API5: variants seen among roughly 807,000 people sequenced by gnomAD.
API5 encodes apoptosis inhibitor 5, also known as FIF.
A neutral mutation model predicts 71.9 loss-of-function variants in API5; 6 were observed. That is an observed-to-expected ratio of 0.08 (90% CI 0.05 to 0.16). The LOEUF is 0.16. Among genes scored for constraint, API5 ranks in the 10% least tolerant of loss-of-function variants. The pLI, the probability that API5 is intolerant of heterozygous loss-of-function variation, is 1.00. For synonymous variants in API5, 189 were observed against 221.3 expected (o/e 0.85, Z 1.30); for missense variants, 332 against 612.8 (o/e 0.54, Z 4.84).
intron 6 of API5, among the ~76,000 whole-genome samples, chr11:43,324,486 G>A (rs945444999): frequency 6.6e-5 from 10 of 151,988 alleles, no homozygotes; most frequent in African/African-American, 9.7e-5. Flanking sequence ...GTGGTGGCCC[G>A]TCCCTGTAAT....
In API5 at chr11:43,318,198, G is replaced by C. The variant is rs188147383; in HGVS notation, c.70-442G>C. ...CTAATTTTTGTGTTTTAGTAGAGAC[G>C]GGGTTTAACCATGTTGGCCAAGCTA... On this transcript the variant is annotated intron_variant, in intron 1 of 13. Coordinates refer to ENST00000531273, the MANE Select transcript of API5 (RefSeq NM_001142930.2). 3.6e-4 allele frequency among the ~76,000 whole-genome samples: 55 copies of C among 151,366 alleles called. 1 individual carries two copies. Among genetic ancestry groups the C allele is most frequent in the Admixed American group, 2.8e-3 (43 of 15,226 alleles).
Position 43,335,846 on chromosome 11 carries a change from C to T in API5, c.1356-12C>T, listed in dbSNP as rs1855414483. 3 of 1,591,802 alleles carry T rather than the reference C, an allele frequency of 1.9e-6. No individual in the cohort carries two copies. Among genetic ancestry groups the T allele is most frequent in the East Asian group, 2.2e-5 (1 of 44,682 alleles). On this transcript the variant is annotated splice_polypyrimidine_tract_variant and intron_variant, in intron 12 of 13. Transcript: ENST00000531273. ...GAATGTTTTTGAATTGCTCTTCTTC[C>T]TATTGTTACAGGCAAAAGAGAGCCA...
chr11:43,316,257 CTATTGTGA>C (rs1048737398), intron 1 of API5, among the ~76,000 whole-genome samples: 2 of 152,172 alleles, frequency 1.3e-5, no homozygotes, highest in Non-Finnish European at 2.9e-5. Flanking sequence ...GTAGTAACAC[CTATTGTGA>C]TATAGACAAG....
intron 1 of API5, among the ~76,000 whole-genome samples, chr11:43,318,042 C>T (rs1854735406): frequency 6.6e-6 from 1 of 151,442 alleles, no homozygotes; most frequent in South Asian, 2.1e-4. Context: ...CAGAGTCTCA[C>T]TCTGTCATCC....
rs1288651835 is a variant in API5, at chr11:43,322,149, C to T, written c.543+13C>T. On this transcript the variant is annotated intron_variant, in intron 5 of 13. Coordinates refer to ENST00000531273, the MANE Select transcript of API5 (RefSeq NM_001142930.2). ...TGAATCCAAAAAGGTGAGCTTTGGTCTTCATTTGGTGGAAATTCTCTAAAG... is the reference window on the plus strand; with the variant it reads ...TGAATCCAAAAAGGTGAGCTTTGGTTTTCATTTGGTGGAAATTCTCTAAAG... 1 of 1,581,752 alleles carries T rather than the reference C, an allele frequency of 6.3e-7. No individual in the cohort carries two copies. The highest frequency in any genetic ancestry group is 1.2e-5 in the South Asian group (1 of 86,280).
intron 13 of API5, among the ~76,000 whole-genome samples, chr11:43,337,251 C>T (rs978291224): frequency 1.4e-4 from 21 of 151,966 alleles, no homozygotes; most frequent in African/African-American, 5.1e-4. Flanking sequence ...TGCTGAAGCC[C>T]AGGAGGCCAA....
chr11:43,338,309 A>G (rs1218278608), intron 13 of API5, among the ~76,000 whole-genome samples: 3 of 152,140 alleles, frequency 2.0e-5, no homozygotes, highest in African/African-American at 7.2e-5. Flanking sequence ...TTTTTGCTTT[A>G]CAAACATGGT....
At position 43,317,268 on chromosome 11, in the gene API5, C is replaced by T. The variant is rs142910763; in HGVS notation, c.70-1372C>T. 6.2e-3 allele frequency among the ~76,000 whole-genome samples: 940 copies of T among 152,150 alleles called. 13 individuals are homozygous for T. The highest frequency in any genetic ancestry group is 0.021 in the African/African-American group (887 of 41,498). ...TTTCTGTATTTGTTACTGTTATTTACCATCTTTATCAGTGTCATTTCATAA... is the reference window on the plus strand; with the variant it reads ...TTTCTGTATTTGTTACTGTTATTTATCATCTTTATCAGTGTCATTTCATAA... On this transcript the variant is annotated intron_variant, in intron 1 of 13. Coordinates refer to ENST00000531273, the MANE Select transcript of API5 (RefSeq NM_001142930.2).
rs547205552 is a variant in API5 at position 43,333,535 on chromosome 11, TGATTACATTAATACAGATA to T, written c.1279-1720_1279-1702del. ...ACATAGATATATGACTGGCTACTATTGATTACATTAATACAGATAGATTACATTAATACAGATAGATATA... is the reference window on the plus strand; with the variant it reads ...ACATAGATATATGACTGGCTACTATTGATTACATTAATACAGATAGATATA... On this transcript the variant is annotated intron_variant, in intron 11 of 13. Transcript: ENST00000531273. 2.2e-4 allele frequency among the ~76,000 whole-genome samples: 33 copies of T among 152,288 alleles called. 1 individual carries two copies. In the East Asian group the frequency reaches 5.0e-3, roughly 23 times the overall value.
rs1213851619 is a variant in API5, at chr11:43,328,755, A to G, written c.989A>G (p.Asn330Ser). 12 of 1,613,946 alleles carry G rather than the reference A, an allele frequency of 7.4e-6. No homozygotes were observed. Among genetic ancestry groups the G allele is most frequent in the Non-Finnish European group, 1.0e-5 (12 of 1,179,868 alleles). Residue 330 changes from asparagine to serine, a missense_variant, in exon 9 of 14, where the codon AAT becomes AGT. Physicochemically the swap from Asn to Ser is conservative, Grantham distance 46. This residue lies in a region of API5 where 168 missense variants were observed against 343.9 expected (regional missense o/e 0.49). Coordinates refer to ENST00000531273, the MANE Select transcript of API5 (RefSeq NM_001142930.2). ...CCAGAAGAGGCAGAAAATGGAGAGA[A>G]TGCTGGTAATGAAGAACCCAAGCTA... is the stretch of plus-strand genomic sequence containing the variant. The part of the protein sequence containing the change: ...LPPEEAENGE[N>S]AGNEEPKLQF...
At chr11:43,331,502 A>T (rs181353375) in intron 11 of API5, 5 of 231,764 alleles carry the variant, frequency 2.2e-5, no homozygotes, top group African/African-American at 1.1e-4. Context: ...TATTATAAAG[A>T]AGAGAAAATA....
chr11:43,313,086 G>A (rs1227437502), intron 1 of API5, among the ~76,000 whole-genome samples: 3 of 139,386 alleles, frequency 2.2e-5, no homozygotes, highest in African/African-American at 7.9e-5. Context: ...CAGCCTGGGA[G>A]ACAAAGCAAG....
At chr11:43,321,252 C>G (rs555656669) in intron 3 of API5, among the ~76,000 whole-genome samples, 159 bp from the exon 4 acceptor site, 2 of 152,254 alleles carry the variant, frequency 1.3e-5, no homozygotes, top group East Asian at 3.9e-4. Context: ...TCTCAACTTA[C>G]AAGGAACACG....
intron 1 of API5, among the ~76,000 whole-genome samples, chr11:43,313,360 A>G (rs1044467633): frequency 1.4e-4 from 21 of 152,216 alleles, no homozygotes; most frequent in African/African-American, 5.1e-4. Context: ...GTGGTTGGGT[A>G]TGTGTGTTCT....
Position 43,312,172 on chromosome 11 carries a change from C to G in API5, c.45C>G (p.Ala15=), listed in dbSNP as rs776407360. The G allele has an allele frequency of 1.9e-6, 3 of 1,613,960 alleles. No individual in the cohort carries two copies. Among genetic ancestry groups the G allele is most frequent in the South Asian group, 1.1e-5 (1 of 91,080 alleles). The change falls in exon 1 of 14, where the codon GCC becomes GCG. Residue 15 remains alanine, a synonymous_variant. Coordinates refer to ENST00000531273, the MANE Select transcript of API5 (RefSeq NM_001142930.2). The part of the protein sequence containing the change: ...EELYRNYGIL[A]DATEQVGQHK... ...TTTACCGCAATTATGGCATCCTGGCCGATGCCACGGAGCAAGTGGGCCAGG... is the reference window on the plus strand; with the variant it reads ...TTTACCGCAATTATGGCATCCTGGCGGATGCCACGGAGCAAGTGGGCCAGG...
At chr11:43,321,237 C>G (rs940665374) in intron 3 of API5, among the ~76,000 whole-genome samples, 174 bp from the exon 4 acceptor site, 7 of 152,140 alleles carry the variant, frequency 4.6e-5, no homozygotes, top group African/African-American at 1.7e-4. Context: ...CATGCCAGAT[C>G]GGGTTCTCAA....
At position 43,322,145 on chromosome 11, in the gene API5, T is replaced by C; in HGVS notation, c.543+9T>C. On this transcript the variant is annotated intron_variant, in intron 5 of 13. Coordinates refer to ENST00000531273, the MANE Select transcript of API5 (RefSeq NM_001142930.2). ...TAACTGAATCCAAAAAGGTGAGCTT[T>C]GGTCTTCATTTGGTGGAAATTCTCT... 1.3e-6 allele frequency: 2 copies of C among 1,585,636 alleles called. No homozygotes were observed. The highest frequency in any genetic ancestry group is 1.2e-5 in the South Asian group (1 of 86,810).
chr11:43,327,668 A>G lies in API5; in HGVS notation c.856-121A>G, dbSNP rs978776853. 55 of 687,784 alleles carry G rather than the reference A, an allele frequency of 8.0e-5. No homozygotes were observed. The Middle Eastern group carries it at 1.3e-3, about 16-fold the overall frequency. 42.6% of individuals were successfully genotyped at this position (687,784 alleles called of 1,614,324 possible). A position where few individuals can be genotyped will look rare whatever the true frequency, so the allele number is the denominator to read the frequency against. ...ATCTCTAAGGTTTTCTTCCATTTCA[A>G]ATGTTATGATTCTGTGAAAACATAA... On this transcript the variant is annotated intron_variant, in intron 7 of 13. Coordinates refer to ENST00000531273, the MANE Select transcript of API5 (RefSeq NM_001142930.2).
chr11:43,337,783 A>G (rs1245962635), intron 13 of API5, among the ~76,000 whole-genome samples: 1 of 152,230 alleles, frequency 6.6e-6, no homozygotes, highest in South Asian at 2.1e-4. Context: ...TAATGAAAGT[A>G]ATCAATAGCT....
Sources: gnomAD v4.1 joint callset for allele counts (sites outside exome capture counted in the v4.1 genomes callset) on GRCh38, gnomAD v4.1.1 for gene constraint, gnomAD v4.1.1 regional missense constraint, MANE v1.5 for transcripts, NCBI Gene and HGNC (gene_info 2026-07-23, HGNC 2026-07-21) for gene names.